The following FRMD4A variants were observed in gnomAD, a reference collection of about 807,000 sequenced individuals.
FRMD4A encodes FERM domain-containing protein 4A.
FRMD4A carries 29 observed loss-of-function variants against 129.1 expected under a neutral mutation model. That is an observed-to-expected ratio of 0.22 (90% CI 0.17 to 0.31). The LOEUF (loss-of-function observed/expected upper bound fraction) is 0.31. FRMD4A is among the 10% of genes least tolerant of loss of function. The pLI is 1.00. For missense variants in FRMD4A, 1,272 were observed against 1,375.8 expected, an observed-to-expected ratio of 0.92 and a Z score of 1.19; for synonymous variants, 634 against 571.6, an observed-to-expected ratio of 1.11 and a Z score of -1.56.
At chr10:13,693,676 C>T (rs1171504146) in intron 15 of FRMD4A, 6 of 660,282 alleles carry the variant, frequency 9.1e-6, no homozygotes, top group Non-Finnish European at 1.6e-5. Flanking sequence ...CTGCGTGGTT[C>T]TACTGATGCT....
At chr10:14,328,780 A>T (rs1045355639) in intron 2 of FRMD4A, among the ~76,000 whole-genome samples, 3 of 152,138 alleles carry the variant, frequency 2.0e-5, no homozygotes, top group African/African-American at 7.2e-5. Flanking sequence ...CAGTGATGGA[A>T]TGAAAATTCC....
intron 9 of FRMD4A, among the ~76,000 whole-genome samples, chr10:13,741,102 C>T (rs561303168): frequency 1.3e-4 from 19 of 152,000 alleles, no homozygotes; most frequent in Non-Finnish European, 2.5e-4. Context: ...ACTGGGATTA[C>T]AGGCGTGAGC....
At chr10:14,014,446 A>AG (rs1197467872) in intron 2 of FRMD4A, among the ~76,000 whole-genome samples, 1 of 152,204 alleles carries the variant, frequency 6.6e-6, no homozygotes, top group South Asian at 2.1e-4. Context: ...CTAGAGCAGG[A>AG]GGGGGGAGTT....
intron 5 of FRMD4A, among the ~76,000 whole-genome samples, chr10:13,786,699 A>G (rs560127847): frequency 6.6e-6 from 1 of 152,292 alleles, no homozygotes; most frequent in East Asian, 1.9e-4. Context: ...GAAAAGAAGG[A>G]AAAGCGAGGA....
At chr10:14,005,559 G>C (rs549361964) in intron 2 of FRMD4A, among the ~76,000 whole-genome samples, 1 of 152,200 alleles carries the variant, frequency 6.6e-6, no homozygotes, top group African/African-American at 2.4e-5. Flanking sequence ...TGGAAATCAT[G>C]TTCTTCTCTT....
intron 2 of FRMD4A, among the ~76,000 whole-genome samples, chr10:14,110,813 T>C (rs1436104824): frequency 6.6e-6 from 1 of 152,142 alleles, no homozygotes; most frequent in Non-Finnish European, 1.5e-5. Flanking sequence ...AATTTTTTAG[T>C]TCTGTGTATT....
chr10:13,717,919 A>C (rs2089000987), intron 12 of FRMD4A, among the ~76,000 whole-genome samples: 1 of 152,172 alleles, frequency 6.6e-6, no homozygotes, highest in Non-Finnish European at 1.5e-5. Context: ...ACCGTGCTTT[A>C]TCACCCATAA....
chr10:13,801,593 C>T (rs1196223800), intron 4 of FRMD4A, among the ~76,000 whole-genome samples: 2 of 152,212 alleles, frequency 1.3e-5, no homozygotes, highest in South Asian at 2.1e-4. Context: ...GGACATGTGA[C>T]TTATCCAAGA....
chr10:14,063,677 A>G (rs902208489), intron 2 of FRMD4A, among the ~76,000 whole-genome samples: 14 of 152,150 alleles, frequency 9.2e-5, no homozygotes, highest in African/African-American at 3.4e-4. Context: ...CTTAATAACT[A>G]TCTGGCTATT....
At chr10:14,095,839 T>G (rs1404675910) in intron 2 of FRMD4A, among the ~76,000 whole-genome samples, 2 of 152,222 alleles carry the variant, frequency 1.3e-5, no homozygotes, top group Non-Finnish European at 2.9e-5. Context: ...GGGAGTCCCT[T>G]TCCAGGGCAA....
chr10:14,254,008 G>A (rs188775071), intron 2 of FRMD4A, among the ~76,000 whole-genome samples: 12 of 152,246 alleles, frequency 7.9e-5, no homozygotes, highest in African/African-American at 2.9e-4. Flanking sequence ...AACCTCTCAT[G>A]ACTCTCCCTA....
At chr10:14,156,199 A>T (rs1840589171) in intron 2 of FRMD4A, among the ~76,000 whole-genome samples, 2 of 152,230 alleles carry the variant, frequency 1.3e-5, no homozygotes, top group African/African-American at 4.8e-5. Flanking sequence ...CAATTCATTC[A>T]GTAGGGAAAA....
At chr10:14,310,920 T>C (rs962185765) in intron 2 of FRMD4A, among the ~76,000 whole-genome samples, 1 of 152,174 alleles carries the variant, frequency 6.6e-6, no homozygotes, top group Non-Finnish European at 1.5e-5. Flanking sequence ...GCTCGCTCCT[T>C]GTGTGTCCCC....
chr10:14,321,505 G>A (rs1458823712), intron 2 of FRMD4A, among the ~76,000 whole-genome samples: 3 of 152,116 alleles, frequency 2.0e-5, no homozygotes, highest in African/African-American at 4.8e-5. Context: ...GTGAGAGTAT[G>A]AATTTTGAGG....
chr10:14,044,613 G>A (rs1032483980), intron 2 of FRMD4A, among the ~76,000 whole-genome samples: 4 of 152,228 alleles, frequency 2.6e-5, no homozygotes, highest in African/African-American at 7.2e-5. Flanking sequence ...AGCAGCAGGA[G>A]CTGGGAGAGG....
intron 2 of FRMD4A, among the ~76,000 whole-genome samples, chr10:14,080,735 G>T (rs1327221830): frequency 6.6e-6 from 1 of 151,962 alleles, no homozygotes; most frequent in African/African-American, 2.4e-5. Flanking sequence ...GTCAGCAAAA[G>T]GATGCATTGA....
At chr10:13,686,016 C>G (rs1366995943) in intron 15 of FRMD4A, among the ~76,000 whole-genome samples, 5 of 152,254 alleles carry the variant, frequency 3.3e-5, no homozygotes, top group African/African-American at 1.2e-4. Flanking sequence ...CAGTCCTGCT[C>G]AAACATGTCC....
chr10:13,835,520 C>T (rs915724969), intron 3 of FRMD4A, among the ~76,000 whole-genome samples: 3 of 152,126 alleles, frequency 2.0e-5, no homozygotes, highest in South Asian at 2.1e-4. Flanking sequence ...AGCTCCCCAT[C>T]GCGCATTATT....
chr10:14,236,633 T>C (rs1038152561), intron 2 of FRMD4A, among the ~76,000 whole-genome samples: 18 of 152,168 alleles, frequency 1.2e-4, no homozygotes, highest in African/African-American at 4.3e-4. Flanking sequence ...AATGAGTCGG[T>C]GCCCCACTGC....
Sources: allele counts gnomAD v4.1 joint callset (sites outside exome capture counted in the v4.1 genomes callset), GRCh38; gene constraint gnomAD v4.1.1; transcripts MANE v1.5; gene names NCBI Gene and HGNC (gene_info 2026-07-23, HGNC 2026-07-21).